Variants in HS6ST3 observed in about 807,000 individuals in gnomAD.
The protein encoded by HS6ST3 is heparan-sulfate 6-O-sulfotransferase 3.
HS6ST3 carries 12 observed loss-of-function variants against 36.7 expected under a neutral mutation model. The observed-to-expected ratio is 0.33, with a 90% CI of 0.21 to 0.53. HS6ST3 has a LOEUF of 0.53. HS6ST3 is among the 20% of genes least tolerant of loss of function. The pLI, the probability that HS6ST3 is intolerant of heterozygous loss-of-function variation, is 0.95. For synonymous variants in HS6ST3, 240 were observed against 257.5 expected (o/e 0.93, Z 0.65); for missense variants, 584 against 640.9 (o/e 0.91, Z 0.96).
Position 96,685,226 on chromosome 13 carries a change from G to C in HS6ST3, c.708-147264G>C, listed in dbSNP as rs528935408. The stretch of plus-strand genomic sequence containing the variant: ...GTTAAACTAATCATTTTGGCACTAC[G>C]TGGCCCAGATATTGATTATTTTGCT... On this transcript the variant is annotated intron_variant, in intron 1 of 1. Transcript: ENST00000376705. 5.9e-5 allele frequency among the ~76,000 whole-genome samples: 9 copies of C among 152,128 alleles called. No homozygotes were observed. The South Asian group carries it at 1.9e-3, about 32-fold the overall frequency.
chr13:96,816,481 T>A (rs1183909343), intron 1 of HS6ST3, among the ~76,000 whole-genome samples: 2 of 152,168 alleles, frequency 1.3e-5, no homozygotes, highest in Admixed American at 6.5e-5. Flanking sequence ...GGAGCCTGAG[T>A]GAGAACACTG....
At position 96,712,451 on chromosome 13, in the gene HS6ST3, A is replaced by G. The variant is rs186728033; in HGVS notation, c.708-120039A>G. ...TGTTAGATTGGAATTTTGTATGAAC[A>G]CAGTGAGATCTGAGGCTCACTGAAG... On this transcript the variant is annotated intron_variant, in intron 1 of 1. Coordinates refer to ENST00000376705, the MANE Select transcript of HS6ST3 (RefSeq NM_153456.4). Among the ~76,000 whole-genome samples the G allele has an allele frequency of 2.3e-3, 343 of 152,292 alleles. 2 individuals are homozygous for G. The highest frequency in any genetic ancestry group is 3.3e-3 in the Non-Finnish European group (225 of 68,028).
chr13:96,131,728 G>T (rs2053976440), intron 1 of HS6ST3, among the ~76,000 whole-genome samples: 1 of 139,318 alleles, frequency 7.2e-6, no homozygotes. Context: ...CTAACTCCTG[G>T]TAACCACTAT....
At chr13:96,560,255 T>G (rs1594807025) in intron 1 of HS6ST3, among the ~76,000 whole-genome samples, 1 of 152,242 alleles carries the variant, frequency 6.6e-6, no homozygotes, top group Non-Finnish European at 1.5e-5. Context: ...CAGTCATCTA[T>G]GATAATAATG....
At chr13:96,438,232 T>A (rs1231422253) in intron 1 of HS6ST3, among the ~76,000 whole-genome samples, 1 of 152,250 alleles carries the variant, frequency 6.6e-6, no homozygotes, top group African/African-American at 2.4e-5. Flanking sequence ...CACTGTGTAA[T>A]AATTTGATGT....
chr13:96,480,886 T>C (rs939134981), intron 1 of HS6ST3, among the ~76,000 whole-genome samples: 4 of 152,204 alleles, frequency 2.6e-5, no homozygotes, highest in African/African-American at 9.7e-5. Flanking sequence ...GCCCAGCTAC[T>C]GAAGAAATGT....
chr13:96,651,558 C>T (rs755863485), intron 1 of HS6ST3, among the ~76,000 whole-genome samples: 2 of 152,036 alleles, frequency 1.3e-5, no homozygotes, highest in Admixed American at 6.6e-5. Flanking sequence ...TGCCATCACT[C>T]GTATTTCCCT....
At chr13:96,157,210 C>T (rs1458950308) in intron 1 of HS6ST3, among the ~76,000 whole-genome samples, 1 of 152,148 alleles carries the variant, frequency 6.6e-6, no homozygotes, top group Non-Finnish European at 1.5e-5. Context: ...ATTGGAAAAG[C>T]CTTTGGCTCT....
intron 1 of HS6ST3, among the ~76,000 whole-genome samples, chr13:96,309,513 C>T (rs1391991821): frequency 6.6e-6 from 1 of 152,134 alleles, no homozygotes; most frequent in African/African-American, 2.4e-5. Context: ...AAATCAAGTT[C>T]TATAGTCTGC....
intron 1 of HS6ST3, among the ~76,000 whole-genome samples, chr13:96,716,575 T>C (rs1875700530): frequency 1.3e-5 from 2 of 152,148 alleles, no homozygotes; most frequent in Admixed American, 1.3e-4. Flanking sequence ...TATCATCTAT[T>C]TACCTATCAT....
intron 1 of HS6ST3, among the ~76,000 whole-genome samples, chr13:96,680,646 T>A (rs1411829198): frequency 6.6e-6 from 1 of 152,178 alleles, no homozygotes; most frequent in Non-Finnish European, 1.5e-5. Context: ...CAGTTCTTGG[T>A]TATATCTGCA....
At chr13:96,748,191 G>T (rs80335820) in intron 1 of HS6ST3, among the ~76,000 whole-genome samples, 2,755 of 152,114 alleles carry the variant, frequency 0.018, 79 homozygotes, top group African/African-American at 0.063. Context: ...AAGAGGACTT[G>T]TGTCTTTCAA....
At chr13:96,672,660 G>A (rs547955224) in intron 1 of HS6ST3, among the ~76,000 whole-genome samples, 8 of 152,188 alleles carry the variant, frequency 5.3e-5, no homozygotes, top group African/African-American at 9.6e-5. Flanking sequence ...TACTCCAACC[G>A]CTTCCTGAGA....
rs193169837 is a variant in HS6ST3 at position 96,532,640 on chromosome 13, A to C, written c.708-299850A>C. 3.3e-3 allele frequency among the ~76,000 whole-genome samples: 507 copies of C among 152,328 alleles called. 3 individuals carry two copies. The highest frequency in any genetic ancestry group is 7.0e-3 in the African/African-American group (290 of 41,574). ...TTTGAGAATGAGGCTGCAGGAGAAAATTTGTGCTAGGCTAACAAAGAGAAC... is the reference window on the plus strand; with the variant it reads ...TTTGAGAATGAGGCTGCAGGAGAAACTTTGTGCTAGGCTAACAAAGAGAAC... On this transcript the variant is annotated intron_variant, in intron 1 of 1. Coordinates refer to ENST00000376705, the MANE Select transcript of HS6ST3 (RefSeq NM_153456.4).
intron 1 of HS6ST3, among the ~76,000 whole-genome samples, chr13:96,397,150 C>T (rs574808422): frequency 3.9e-5 from 6 of 152,258 alleles, no homozygotes; most frequent in African/African-American, 9.6e-5. Context: ...TTGCAGTGAG[C>T]GGAGATCGCC....
chr13:96,662,513 GGGGT>G (rs1162494473), intron 1 of HS6ST3, among the ~76,000 whole-genome samples: 3 of 40,002 alleles, frequency 7.5e-5, no homozygotes, highest in Admixed American at 3.9e-4. Context: ...GTGTGTGTAT[GGGGT>G]GTGTGTGTGT....
At chr13:96,563,665 C>A (rs1339443181) in intron 1 of HS6ST3, among the ~76,000 whole-genome samples, 1 of 152,176 alleles carries the variant, frequency 6.6e-6, no homozygotes, top group African/African-American at 2.4e-5. Context: ...TACAGGGAGC[C>A]TGGGATTGTC....
chr13:96,674,658 C>T (rs2056693289), intron 1 of HS6ST3, among the ~76,000 whole-genome samples: 1 of 152,118 alleles, frequency 6.6e-6, no homozygotes, highest in Non-Finnish European at 1.5e-5. Flanking sequence ...GATTCATTCT[C>T]AGCAGAAAGT....
At chr13:96,260,159 C>A (rs1308173033) in intron 1 of HS6ST3, among the ~76,000 whole-genome samples, 1 of 152,078 alleles carries the variant, frequency 6.6e-6, no homozygotes. Flanking sequence ...CATTTGATCA[C>A]TACTTTGCAA....
Sources: gnomAD v4.1 joint callset for allele counts (sites outside exome capture counted in the v4.1 genomes callset) on GRCh38, gnomAD v4.1.1 for gene constraint, MANE v1.5 for transcripts, NCBI Gene and HGNC (gene_info 2026-07-23, HGNC 2026-07-21) for gene names.